The following EXOC6B variants were observed in gnomAD, a reference collection of about 807,000 sequenced individuals.
The protein encoded by EXOC6B is SEC15 homolog B.
In EXOC6B, 54 loss-of-function variants were observed where a neutral mutation model predicts 113.5. That is an observed-to-expected ratio of 0.48 (90% confidence interval 0.38 to 0.60). The LOEUF (loss-of-function observed/expected upper bound fraction) is 0.60, where lower values mean the gene tolerates loss of function less well. Among genes scored for constraint, EXOC6B ranks in the 20% least tolerant of loss-of-function variants. The pLI, the probability that EXOC6B is intolerant of heterozygous loss-of-function variation, is 0.00. For missense variants in EXOC6B, 797 were observed against 977.5 expected (o/e 0.82, Z 2.46); for synonymous variants, 357 against 339.0 (o/e 1.05, Z -0.58).
chr2:72,525,715 T>C (rs1413229725), intron 8 of EXOC6B, among the ~76,000 whole-genome samples: 1 of 152,182 alleles, frequency 6.6e-6, no homozygotes, highest in Non-Finnish European at 1.5e-5. Context: ...AAGGTGCAAG[T>C]TATTTTACTA....
At chr2:72,311,066 T>C (rs371728792) in intron 20 of EXOC6B, among the ~76,000 whole-genome samples, 1 of 152,204 alleles carries the variant, frequency 6.6e-6, no homozygotes, top group Non-Finnish European at 1.5e-5. Flanking sequence ...TGCTATTGTA[T>C]AGAATAATAT....
At chr2:72,318,220 C>T (rs1007880934) in intron 20 of EXOC6B, among the ~76,000 whole-genome samples, 13 of 151,834 alleles carry the variant, frequency 8.6e-5, no homozygotes, top group Admixed American at 7.2e-4. Flanking sequence ...AATTAAAAAC[C>T]GAAATAAAAC....
chr2:72,385,601 G>C lies in EXOC6B; in HGVS notation c.1981-5731C>G, dbSNP rs148538184. Among the ~76,000 whole-genome samples, 811 of 152,126 alleles carry C rather than the reference G, an allele frequency of 5.3e-3. 7 individuals carry two copies. Among genetic ancestry groups the C allele is most frequent in the African/African-American group, 0.019 (787 of 41,522 alleles). Reference sequence around the variant, plus strand: ...ACCTACAGAATGGGGGAATATACTTGCAAACCACACATCTGATAAGGAGTT... The same window carrying C: ...ACCTACAGAATGGGGGAATATACTTCCAAACCACACATCTGATAAGGAGTT... On this transcript the variant is annotated intron_variant, in intron 18 of 21. Transcript: ENST00000272427.
chr2:72,629,350 G>A lies in EXOC6B; in HGVS notation c.670-53682C>T, dbSNP rs556424362. Among the ~76,000 whole-genome samples the A allele has an allele frequency of 1.1e-3, 166 of 152,234 alleles. 2 individuals carry two copies. Among genetic ancestry groups the A allele is most frequent in the Non-Finnish European group, 2.2e-3 (148 of 68,006 alleles). On this transcript the variant is annotated intron_variant, in intron 6 of 21. Transcript: ENST00000272427. ...CTCCACCTCCCCACATGCACTGCTT[G>A]TAAACTGTTCCAACCTCTACTTACA...
chr2:72,405,835 C>A (rs998258607), intron 18 of EXOC6B, among the ~76,000 whole-genome samples: 8 of 152,128 alleles, frequency 5.3e-5, no homozygotes, highest in Non-Finnish European at 1.2e-4. Context: ...ATGACAGGAT[C>A]AAATTCACAC....
intron 1 of EXOC6B, among the ~76,000 whole-genome samples, chr2:72,754,651 T>C (rs1682288643): frequency 1.3e-5 from 2 of 151,656 alleles, no homozygotes; most frequent in South Asian, 4.2e-4. Context: ...CTCACTCTGT[T>C]GCCCAGGCTG....
At chr2:72,542,815 T>C (rs1702680806) in intron 8 of EXOC6B, among the ~76,000 whole-genome samples, 1 of 152,124 alleles carries the variant, frequency 6.6e-6, no homozygotes, top group African/African-American at 2.4e-5. Context: ...AACCAGGTAA[T>C]AAAGGGCATC....
At position 72,237,929 on chromosome 2, in the gene EXOC6B, A is replaced by G. The variant is rs80014411; in HGVS notation, c.2197-53742T>C. On this transcript the variant is annotated intron_variant, in intron 20 of 21. Transcript: ENST00000272427. ...ACAGCTTAGTTAAAATATAATTCACATACCATATAATTCCCCCATTTAAAG... is the reference window on the plus strand; with the variant it reads ...ACAGCTTAGTTAAAATATAATTCACGTACCATATAATTCCCCCATTTAAAG... Among the ~76,000 whole-genome samples, 1,273 of 152,244 alleles carry G rather than the reference A, an allele frequency of 8.4e-3. 11 individuals carry two copies. The highest frequency in any genetic ancestry group is 0.029 in the African/African-American group (1,199 of 41,534).
Position 72,741,459 on chromosome 2 carries a change from C to T in EXOC6B, c.124G>A (p.Asp42Asn). The T allele has an allele frequency of 6.2e-7, 1 of 1,608,364 alleles. No individual in the cohort carries two copies. Among genetic ancestry groups the T allele is most frequent in the Non-Finnish European group, 8.5e-7 (1 of 1,178,340 alleles). ...ATGAAACGTCCATGTTCTTCACCAT[C>T]ATAAACAGACCTTTAAAAAAAAATG... ...CIGPTLRSVY[D>N]GEEHGRFMEK... The change falls in exon 2 of 22, where the codon GAT becomes AAT. Residue 42 changes from aspartate to asparagine, a missense_variant. Asp to Asn is a conservative substitution (Grantham distance 23). Coordinates refer to ENST00000272427, the MANE Select transcript of EXOC6B (RefSeq NM_015189.3).
At chr2:72,596,706 C>G (rs1270965561) in intron 6 of EXOC6B, among the ~76,000 whole-genome samples, 1 of 151,858 alleles carries the variant, frequency 6.6e-6, no homozygotes. Flanking sequence ...AGCTTCCTAC[C>G]TCCAACCCCA....
intron 18 of EXOC6B, among the ~76,000 whole-genome samples, chr2:72,414,497 A>AT (rs1694394273): frequency 6.6e-6 from 1 of 152,236 alleles, no homozygotes; most frequent in Non-Finnish European, 1.5e-5. Context: ...CCAGTTAGCT[A>AT]ATGTGACAAG....
chr2:72,688,837 G>A (rs1573626464), intron 6 of EXOC6B, among the ~76,000 whole-genome samples: 1 of 152,254 alleles, frequency 6.6e-6, no homozygotes, highest in Middle Eastern at 3.4e-3. Flanking sequence ...AGTAGTAAAT[G>A]ACAGGGGTCC....
At chr2:72,802,573 G>A (rs977115031) in intron 1 of EXOC6B, among the ~76,000 whole-genome samples, 3 of 151,934 alleles carry the variant, frequency 2.0e-5, no homozygotes, top group Non-Finnish European at 4.4e-5. Flanking sequence ...TGATAATGTG[G>A]CTTTAAGTAA....
chr2:72,695,379 G>A (rs373878815), intron 6 of EXOC6B, among the ~76,000 whole-genome samples: 33 of 152,256 alleles, frequency 2.2e-4, no homozygotes, highest in African/African-American at 5.8e-4. Context: ...ACTGGGCTGC[G>A]TAGACAAGAG....
chr2:72,503,188 A>G (rs968887469), intron 11 of EXOC6B, among the ~76,000 whole-genome samples: 1 of 152,184 alleles, frequency 6.6e-6, no homozygotes, highest in Non-Finnish European at 1.5e-5. Flanking sequence ...AGCCAATATC[A>G]ACACAAAATT....
chr2:72,735,754 G>A (rs866599567), intron 2 of EXOC6B, among the ~76,000 whole-genome samples: 4 of 151,946 alleles, frequency 2.6e-5, no homozygotes, highest in East Asian at 1.9e-4. Flanking sequence ...GGGGGGACGT[G>A]GGTTGCAGGG....
intron 20 of EXOC6B, among the ~76,000 whole-genome samples, chr2:72,290,653 T>A (rs10173152): frequency 0.22 from 33,935 of 151,858 alleles, 6,954 homozygotes; most frequent in African/African-American, 0.55. Context: ...CTTACTAGCA[T>A]GAAATACTTT....
At chr2:72,423,125 C>G (rs1222351174) in intron 18 of EXOC6B, among the ~76,000 whole-genome samples, 1 of 152,086 alleles carries the variant, frequency 6.6e-6, no homozygotes, top group East Asian at 1.9e-4. Flanking sequence ...CTCCTGAGCC[C>G]AGTGAGACCA....
chr2:72,557,065 T>C lies in EXOC6B; in HGVS notation c.915+2388A>G, dbSNP rs1302001488. 2.0e-5 allele frequency among the ~76,000 whole-genome samples: 3 copies of C among 151,694 alleles called. No homozygotes were observed. In the East Asian group the frequency reaches 5.8e-4, roughly 29 times the overall value. On this transcript the variant is annotated intron_variant, in intron 8 of 21. Transcript: ENST00000272427. ...CACTAGTCTATAAAGAAAAGCACAA[T>C]TTTTACTAATAACCAGAGAAATGCA...
Sources: gnomAD v4.1 joint callset for allele counts (sites outside exome capture counted in the v4.1 genomes callset) on GRCh38, gnomAD v4.1.1 for gene constraint, MANE v1.5 for transcripts, NCBI Gene and HGNC (gene_info 2026-07-23, HGNC 2026-07-21) for gene names.